The following ALG12 variants were observed in gnomAD, a reference collection of about 807,000 sequenced individuals.
ALG12 encodes ALG12 alpha-1,6-mannosyltransferase, also known as dol-P-Man:Man(7)GlcNAc(2)-PP-Dol alpha-1,6-mannosyltransferase.
Under a neutral mutation model 46.0 loss-of-function variants are expected in ALG12, and 36 were observed. That is an observed-to-expected ratio of 0.78 (90% CI 0.60 to 1.03). The LOEUF (loss-of-function observed/expected upper bound fraction) is 1.03. Ranked by LOEUF, ALG12 falls within the 50% of genes least tolerant of loss-of-function variation. The pLI is 0.00. For missense variants in ALG12, 599 were observed against 633.5 expected, an observed-to-expected ratio of 0.95 and a Z score of 0.58; for synonymous variants, 326 against 291.6, an observed-to-expected ratio of 1.12 and a Z score of -1.20.
chr22:49,913,579 C>T, intron 2 of ALG12, 25 bp downstream of exon 2: 2 of 1,613,782 alleles, frequency 1.2e-6, no homozygotes, highest in East Asian at 2.2e-5. Context: ...TGAGGTTTTC[C>T]CCAAAGACAG....
At chr22:49,865,426 A>G in the ALG12 span, among the ~76,000 whole-genome samples, 1 of 151,972 alleles carries the variant, frequency 6.6e-6, no homozygotes, top group Non-Finnish European at 1.5e-5. Flanking sequence ...AGGCGGGCGG[A>G]ACTCCTGAGT....
chr22:49,886,547 A>T, the ALG12 span: 1 of 1,562,850 alleles, frequency 6.4e-7, no homozygotes, highest in Non-Finnish European at 8.7e-7. The surrounding 1 kb of genome is among the most constrained non-coding windows in gnomAD (Gnocchi z 7.7). Flanking sequence ...CCCATGGTAC[A>T]CATCCTCAAC....
downstream of ALG12, among the ~76,000 whole-genome samples, chr22:49,896,781 G>A (rs998141941): frequency 6.6e-6 from 1 of 151,940 alleles, no homozygotes; most frequent in South Asian, 2.1e-4. Flanking sequence ...GATTACAGGT[G>A]CCTGCCACCA....
At chr22:49,860,154 C>T in the ALG12 span, among the ~76,000 whole-genome samples, 1 of 152,098 alleles carries the variant, frequency 6.6e-6, no homozygotes, top group Non-Finnish European at 1.5e-5. Flanking sequence ...CAGAAATCAG[C>T]CGGGCATGAT....
At chr22:49,877,012 C>T in the ALG12 span, among the ~76,000 whole-genome samples, 1 of 152,048 alleles carries the variant, frequency 6.6e-6, no homozygotes, top group African/African-American at 2.4e-5. Flanking sequence ...GAAATAATTC[C>T]AAGAACAGTT....
intron 1 of ALG12, among the ~76,000 whole-genome samples, chr22:49,914,346 G>C (rs142905070): frequency 6.6e-6 from 1 of 152,240 alleles, no homozygotes; most frequent in African/African-American, 2.4e-5. Context: ...CACAGGGCTC[G>C]AGTGGCCAGC....
rs879545399 is a variant in ALG12, at chr22:49,905,029, C to T, written c.993-523G>A. Among the ~76,000 whole-genome samples, 2 of 152,164 alleles carry T rather than the reference C, an allele frequency of 1.3e-5. No homozygotes were observed. The highest frequency in any genetic ancestry group is 6.5e-5 in the Admixed American group (1 of 15,270). Reference sequence around the variant, plus strand: ...CTGAGATTACAGGCATGAGCCACTGCGCCCAGCCTAAAAATATATTTTCAA... The same window carrying T: ...CTGAGATTACAGGCATGAGCCACTGTGCCCAGCCTAAAAATATATTTTCAA... On this transcript the variant is annotated intron_variant, in intron 7 of 9. Transcript: ENST00000330817. The surrounding 1 kb of genome is among the most constrained non-coding windows in gnomAD (Gnocchi z 4.9).
chr22:49,917,225 C>T (rs530943789), intron 1 of ALG12, among the ~76,000 whole-genome samples: 6 of 152,348 alleles, frequency 3.9e-5, no homozygotes, highest in South Asian at 4.1e-4. Flanking sequence ...ATCTAAGTGA[C>T]GGGTGCTTCG....
chr22:49,865,300 C>T, the ALG12 span, among the ~76,000 whole-genome samples: 11 of 152,062 alleles, frequency 7.2e-5, no homozygotes, highest in African/African-American at 2.2e-4. Flanking sequence ...CTGTGGGGTG[C>T]GCTGCTCTTT....
chr22:49,907,873 G>A lies in ALG12; in HGVS notation c.840C>T (p.Pro280=), dbSNP rs760763278. The stretch of plus-strand genomic sequence containing the variant: ...GCGTCCTTCTGTCTACCAAGCCCAG[G>A]GGGATGAAGAGCAGGCTGCAGCCCA... ...RGLGCSLLFI[P]LGLVDRRTHA... The change falls in exon 7 of 10, where the codon CCC becomes CCT. Residue 280 remains proline (P), a synonymous_variant. Transcript: ENST00000330817. 6.2e-7 allele frequency: 1 copy of A among 1,613,964 alleles called. No homozygotes were observed. The highest frequency in any genetic ancestry group is 8.5e-7 in the Non-Finnish European group (1 of 1,180,034).
chr22:49,865,042 C>T, the ALG12 span, among the ~76,000 whole-genome samples: 83,542 of 150,022 alleles, frequency 0.56, 26,041 homozygotes, highest in East Asian at 0.85. Flanking sequence ...GTGACGGCAG[C>T]CCCGGGTCTC....
At chr22:49,917,979 G>GTTCCGGCCCC (rs1601831745) in intron 1 of ALG12, among the ~76,000 whole-genome samples, 1 of 140,960 alleles carries the variant, frequency 7.1e-6, no homozygotes, top group Non-Finnish European at 1.6e-5. Context: ...CCCCAGGTGA[G>GTTCCGGCCCC]AGGTCCAGCC....
chr22:49,867,506 A>G, the ALG12 span, among the ~76,000 whole-genome samples: 1 of 152,130 alleles, frequency 6.6e-6, no homozygotes, highest in African/African-American at 2.4e-5. Context: ...GCTTCTCTTC[A>G]TGGGAGTTTT....
chr22:49,907,876 G>C lies in ALG12; in HGVS notation c.837C>G (p.Ile279Met). 3 of 1,613,944 alleles carry C rather than the reference G, an allele frequency of 1.9e-6. No individual in the cohort carries two copies. The highest frequency in any genetic ancestry group is 2.5e-6 in the Non-Finnish European group (3 of 1,180,038). The change falls in exon 7 of 10, where the codon ATC (isoleucine) becomes ATG (methionine). Residue 279 changes from isoleucine (I) to methionine (M), a missense_variant. Physicochemically the swap from Ile to Met is conservative, Grantham distance 10 (BLOSUM62 1). Coordinates refer to ENST00000330817, the MANE Select transcript of ALG12 (RefSeq NM_024105.4). ...PRGLGCSLLF[I>M]PLGLVDRRTH... The stretch of plus-strand genomic sequence containing the variant: ...TCCTTCTGTCTACCAAGCCCAGGGG[G>C]ATGAAGAGCAGGCTGCAGCCCAGGC...
At chr22:49,895,013 G>A in the ALG12 span, among the ~76,000 whole-genome samples, 1 of 152,222 alleles carries the variant, frequency 6.6e-6, no homozygotes, top group African/African-American at 2.4e-5. Flanking sequence ...AGGAGGAGGG[G>A]CAGGAGCATT....
chr22:49,888,081 C>T, the ALG12 span: 4 of 167,216 alleles, frequency 2.4e-5, no homozygotes, highest in African/African-American at 9.7e-5. Flanking sequence ...GGCTTATTAA[C>T]AGGGAAGAAG....
Position 49,904,018 on chromosome 22 carries a change from G to T in ALG12, c.1287C>A (p.Tyr429Ter). The T allele has an allele frequency of 6.2e-7, 1 of 1,614,202 alleles. No individual in the cohort carries two copies. The highest frequency in any genetic ancestry group is 1.1e-5 in the South Asian group (1 of 91,088). ...DVQPGTGMLA[Y>*]THILMEAAPG... ...GGGCCGCCTCCATGAGGATGTGTGT[G>T]TATGCCAGCATGCCTGTCCCCGGCT... Residue 429 changes from tyrosine (Y) to a stop codon, truncating the protein, a stop_gained, in exon 10 of 10, where the codon TAC becomes TAA. Coordinates refer to ENST00000330817, the MANE Select transcript of ALG12 (RefSeq NM_024105.4). LOFTEE classifies it low-confidence loss of function (END_TRUNC).
chr22:49,908,497 C>T lies in ALG12; in HGVS notation c.769-553G>A, dbSNP rs1163251704. Among the ~76,000 whole-genome samples, 19 of 120,062 alleles carry T rather than the reference C, an allele frequency of 1.6e-4. 2 individuals carry two copies. The highest frequency in any genetic ancestry group is 5.2e-4 in the Admixed American group (6 of 11,526). 78.8% of individuals were successfully genotyped at this position (120,062 alleles called of 152,430 possible). On this transcript the variant is annotated intron_variant, in intron 6 of 9. Transcript: ENST00000330817. ...GAGCCGAGATCATGCCACTGTACTC[C>T]AACCTGGCGACAGAGTGAGACTCTG...
chr22:49,883,837 G>A, the ALG12 span: 3 of 1,611,416 alleles, frequency 1.9e-6, no homozygotes, highest in Non-Finnish European at 2.5e-6. Flanking sequence ...TGGGGAGCGA[G>A]CGGGCCTCGG....
Sources: gnomAD v4.1 joint callset for allele counts (sites outside exome capture counted in the v4.1 genomes callset) on GRCh38, gnomAD v4.1.1 for gene constraint, Gnocchi (gnomAD v3.1) non-coding constraint, MANE v1.5 for transcripts, NCBI Gene and HGNC (gene_info 2026-07-23, HGNC 2026-07-21) for gene names.